The following PCDHGA1 variants were observed in gnomAD, a reference collection of about 807,000 sequenced individuals.
PCDHGA1 encodes protocadherin gamma-A1.
PCDHGA1 carries 32 observed loss-of-function variants against 58.0 expected under a neutral mutation model. The ratio of observed to expected loss-of-function variants is 0.55; its 90% CI spans 0.42 to 0.74. The LOEUF (loss-of-function observed/expected upper bound fraction) is 0.74. Ranked by LOEUF, PCDHGA1 falls within the 30% of genes least tolerant of loss-of-function variation. The pLI is 0.00. For missense variants in PCDHGA1, 1,205 were observed against 1,182.3 expected (o/e 1.02, Z -0.28); for synonymous variants, 498 against 501.1 (o/e 0.99, Z 0.08).
intron 1 of PCDHGA1, chr5:141,389,735 G>A: frequency 6.2e-7 from 1 of 1,612,708 alleles, no homozygotes; most frequent in Non-Finnish European, 8.5e-7. Flanking sequence ...TCTTCAGCCT[G>A]GGGCTGCGCA....
At chr5:141,394,657 G>A (rs1179529074) in intron 1 of PCDHGA1, 2 of 1,613,220 alleles carry the variant, frequency 1.2e-6, no homozygotes, top group East Asian at 2.2e-5. Flanking sequence ...AGCGAGCCGG[G>A]ACTCTTCTCG....
chr5:141,476,509 C>G lies in PCDHGA1; in HGVS notation c.2422-18298C>G. 6.2e-7 allele frequency: 1 copy of G among 1,614,144 alleles called. No individual in the cohort carries two copies. Among genetic ancestry groups the G allele is most frequent in the Non-Finnish European group, 8.5e-7 (1 of 1,180,022 alleles). ...TGGTGATCCAGGACATCAACGACAACAATCCTGCTTTCCCTACCCAGGAAA... is the reference window on the plus strand; with the variant it reads ...TGGTGATCCAGGACATCAACGACAAGAATCCTGCTTTCCCTACCCAGGAAA... On this transcript the variant is annotated intron_variant, in intron 1 of 3. Transcript: ENST00000517417. This position sits in a 1 kb window ranked among gnomAD's most constrained non-coding sequence, Gnocchi z 7.6.
chr5:141,339,216 G>A (rs1756816629), intron 1 of PCDHGA1: 1 of 1,614,036 alleles, frequency 6.2e-7, no homozygotes, highest in South Asian at 1.1e-5. Context: ...CCGCGAAGCG[G>A]CAGCTTGGTC....
At chr5:141,384,244 C>T in intron 1 of PCDHGA1, 1 of 1,613,828 alleles carries the variant, frequency 6.2e-7, no homozygotes, top group Middle Eastern at 1.6e-4. Flanking sequence ...CAACGATAAC[C>T]CACCCACCTT....
chr5:141,394,859 C>A, intron 1 of PCDHGA1: 1 of 1,613,758 alleles, frequency 6.2e-7, no homozygotes. Context: ...AGCCTTCGGT[C>A]GACCCGAACG....
intron 1 of PCDHGA1, chr5:141,360,589 T>C: frequency 6.2e-7 from 1 of 1,613,982 alleles, no homozygotes; most frequent in East Asian, 2.2e-5. Flanking sequence ...AGGTACAACA[T>C]TTCCACTTGA....
At chr5:141,338,653 C>T in intron 1 of PCDHGA1, 1 of 250,928 alleles carries the variant, frequency 4.0e-6, no homozygotes, top group Non-Finnish European at 7.2e-6. Flanking sequence ...TCAACAAAGG[C>T]AAACAAACAA....
At position 141,352,366 on chromosome 5, in the gene PCDHGA1, G is replaced by T. The variant is rs186670703; in HGVS notation, c.2421+19261G>T. ...TGATCTCAGTGCTCTTTCTCCTCGC[G>T]GTGATTCTAGCGATCGCCCTGCGCC... On this transcript the variant is annotated intron_variant, in intron 1 of 3. Transcript: ENST00000517417. The T allele has an allele frequency of 3.3e-4, 532 of 1,614,022 alleles. 2 individuals are homozygous for T. In the East Asian group the frequency reaches 7.1e-3, roughly 22 times the overall value.
chr5:141,477,752 G>C lies in PCDHGA1; in HGVS notation c.2422-17055G>C. On this transcript the variant is annotated intron_variant, in intron 1 of 3. Coordinates refer to ENST00000517417, the MANE Select transcript of PCDHGA1 (RefSeq NM_018912.3). This position sits in a 1 kb window ranked among gnomAD's most constrained non-coding sequence, Gnocchi z 4.9. ...TCATATCAGCGATGGGGGCACCCCG[G>C]TCCTAGCCACCAACATCAGCGTGAA... The C allele has an allele frequency of 6.2e-7, 1 of 1,613,868 alleles. No homozygotes were observed.
intron 1 of PCDHGA1, chr5:141,382,631 T>G: frequency 2.7e-6 from 1 of 365,186 alleles, no homozygotes; most frequent in South Asian, 9.0e-5. Flanking sequence ...TGTGCATCAA[T>G]GTGGTGCAGT....
chr5:141,476,950 A>T lies in PCDHGA1; in HGVS notation c.2422-17857A>T, dbSNP rs1224572890. 2 of 1,614,158 alleles carry T rather than the reference A, an allele frequency of 1.2e-6. No homozygotes were observed. The highest frequency in any genetic ancestry group is 4.5e-5 in the East Asian group (2 of 44,878). ...ATCTGGATGAAGGCCCCAACGGTGA[A>T]ATTATTTACTCCTTCGGCAGCCACA... On this transcript the variant is annotated intron_variant, in intron 1 of 3. Transcript: ENST00000517417. The surrounding 1 kb of genome is among the most constrained non-coding windows in gnomAD (Gnocchi z 7.6).
intron 1 of PCDHGA1, chr5:141,403,099 C>T (rs762392585): frequency 2.5e-6 from 4 of 1,613,938 alleles, no homozygotes; most frequent in Non-Finnish European, 2.5e-6. Flanking sequence ...GCAACATCTC[C>T]AAGGACCTGG....
intron 1 of PCDHGA1, chr5:141,344,979 G>A (rs1337993942): frequency 6.2e-7 from 1 of 1,613,794 alleles, no homozygotes; most frequent in African/African-American, 1.3e-5. Context: ...CATGTTCTAT[G>A]AAATTAAAAT....
At chr5:141,478,625 T>A in intron 1 of PCDHGA1, 3 of 1,554,218 alleles carry the variant, frequency 1.9e-6, no homozygotes, top group Non-Finnish European at 2.6e-6. Context: ...ATGGAGCTGT[T>A]TTTTTAGTGA....
In PCDHGA1 at chr5:141,485,234, T is replaced by A. The variant is rs780126313; in HGVS notation, c.2422-9573T>A. 1 of 1,614,124 alleles carries A rather than the reference T, an allele frequency of 6.2e-7. No homozygotes were observed. The highest frequency in any genetic ancestry group is 1.1e-5 in the South Asian group (1 of 91,080). On this transcript the variant is annotated intron_variant, in intron 1 of 3. Transcript: ENST00000517417. This position sits in a 1 kb window ranked among gnomAD's most constrained non-coding sequence, Gnocchi z 5.7. ...GCGGTGGGCTACCCTTTTGTTCCTC[T>A]TTTACCACCTGGGTTACGTTTGTGG...
rs201424832 is a variant in PCDHGA1 at position 141,490,802 on chromosome 5, C to T, written c.2422-4005C>T. On this transcript the variant is annotated intron_variant, in intron 1 of 3. Transcript: ENST00000517417. This position sits in a 1 kb window ranked among gnomAD's most constrained non-coding sequence, Gnocchi z 5.4. Reference sequence around the variant, plus strand: ...GATGGACGGATCTTTGCCCAGCGTACCTTTGACTATGAATTGCTGCAGATG... The same window carrying T: ...GATGGACGGATCTTTGCCCAGCGTATCTTTGACTATGAATTGCTGCAGATG... 1 of 1,613,944 alleles carries T rather than the reference C, an allele frequency of 6.2e-7. No homozygotes were observed. Among genetic ancestry groups the T allele is most frequent in the East Asian group, 2.2e-5 (1 of 44,886 alleles).
intron 1 of PCDHGA1, chr5:141,360,286 G>C (rs768676904): frequency 6.2e-7 from 1 of 1,613,932 alleles, no homozygotes; most frequent in Non-Finnish European, 8.5e-7. Flanking sequence ...AGGAAACCTC[G>C]CCAAGGATCT....
intron 1 of PCDHGA1, chr5:141,419,468 C>T: frequency 6.2e-7 from 1 of 1,612,484 alleles, no homozygotes; most frequent in Non-Finnish European, 8.5e-7. Flanking sequence ...GGCCCGCGAC[C>T]AGGGCTCGCC....
chr5:141,461,213 T>C (rs1457474925), intron 1 of PCDHGA1, among the ~76,000 whole-genome samples: 1 of 152,168 alleles, frequency 6.6e-6, no homozygotes, highest in African/African-American at 2.4e-5. Flanking sequence ...AGAATCTCCA[T>C]ACTGTTTTCC....
Sources: allele counts gnomAD v4.1 joint callset (sites outside exome capture counted in the v4.1 genomes callset), GRCh38; gene constraint gnomAD v4.1.1; non-coding constraint Gnocchi (gnomAD v3.1); transcripts MANE v1.5; gene names NCBI Gene and HGNC (gene_info 2026-07-23, HGNC 2026-07-21).